NFAT5: variants seen among roughly 807,000 people sequenced by gnomAD.
The protein encoded by NFAT5 is nuclear factor of activated T-cells 5.
NFAT5 carries 31 observed loss-of-function variants against 166.5 expected under a neutral mutation model. The ratio of observed to expected loss-of-function variants is 0.19; its 90% CI spans 0.14 to 0.25. NFAT5 has a LOEUF of 0.25. Ranked by LOEUF, NFAT5 falls within the 10% of genes least tolerant of loss-of-function variation. The pLI, the probability that NFAT5 is intolerant of heterozygous loss-of-function variation, is 1.00. For missense variants in NFAT5, 1,449 were observed against 1,821.8 expected (o/e 0.80, Z 3.72); for synonymous variants, 612 against 639.7 (o/e 0.96, Z 0.65).
intron 2 of NFAT5, among the ~76,000 whole-genome samples, chr16:69,572,579 ATTCAT>A (rs2016506927): frequency 6.6e-6 from 1 of 152,172 alleles, no homozygotes; most frequent in African/African-American, 2.4e-5. Flanking sequence ...AATGAAAACT[ATTCAT>A]TTTGGCAAAT....
intron 7 of NFAT5, among the ~76,000 whole-genome samples, chr16:69,660,518 T>G (rs900232919): frequency 6.6e-6 from 1 of 152,246 alleles, no homozygotes; most frequent in Non-Finnish European, 1.5e-5. Flanking sequence ...GGTAAATTAC[T>G]GTGGTTCTAA....
chr16:69,576,860 C>T (rs2016788314), intron 2 of NFAT5, among the ~76,000 whole-genome samples: 1 of 152,182 alleles, frequency 6.6e-6, no homozygotes, highest in Non-Finnish European at 1.5e-5. Flanking sequence ...GAAGGCTAAG[C>T]AGAAGCCACC....
At chr16:69,642,816 C>CA (rs995425761) in intron 3 of NFAT5, among the ~76,000 whole-genome samples, 9 of 133,726 alleles carry the variant, frequency 6.7e-5, no homozygotes, top group East Asian at 4.1e-4. Context: ...GACTGTGTCT[C>CA]AAAAAAAAGA....
Position 69,677,239 on chromosome 16 carries a change from C to G in NFAT5, c.1594C>G (p.Gln532Glu), listed in dbSNP as rs2036865988. ...LIVKVPPYHD[Q>E]HITLPVSVGI... is the part of the protein sequence containing the mutation. ...TGTGAAGGTTCCTCCCTATCATGAC[C>G]AACATATAACTTTGCCTGTGTCAGT... Residue 532 changes from glutamine to glutamate, a missense_variant, in exon 10 of 15, where the codon CAA becomes GAA. Around this residue, in one of 7 missense-constraint regions of NFAT5, gnomAD observed 245 missense variants for 366.6 expected, o/e 0.67. Coordinates refer to ENST00000349945, the MANE Select transcript of NFAT5 (RefSeq NM_138713.4). 6.2e-7 allele frequency: 1 copy of G among 1,610,196 alleles called. No individual in the cohort carries two copies. The highest frequency in any genetic ancestry group is 1.3e-5 in the African/African-American group (1 of 74,826).
At chr16:69,658,834 T>A (rs572014981) in intron 6 of NFAT5, among the ~76,000 whole-genome samples, 2 of 152,010 alleles carry the variant, frequency 1.3e-5, no homozygotes, top group South Asian at 4.2e-4. Context: ...CTCAAAAAAA[T>A]AAAATAAAAA....
Position 69,631,493 on chromosome 16 carries a change from G to A in NFAT5, c.253+4965G>A, listed in dbSNP as rs148946019. Among the ~76,000 whole-genome samples the A allele has an allele frequency of 3.3e-5, 5 of 152,154 alleles. No homozygotes were observed. The East Asian group carries it at 7.7e-4, about 23-fold the overall frequency. ...CTATAGGTTTTATAATTCAGCCAGA[G>A]AATCTTAATAATGCATTAATAATTC... On this transcript the variant is annotated intron_variant, in intron 3 of 14. Coordinates refer to ENST00000349945, the MANE Select transcript of NFAT5 (RefSeq NM_138713.4).
At chr16:69,578,174 A>G (rs1326082911) in intron 2 of NFAT5, among the ~76,000 whole-genome samples, 1 of 152,118 alleles carries the variant, frequency 6.6e-6, no homozygotes, top group Non-Finnish European at 1.5e-5. Flanking sequence ...CAAATACAAA[A>G]CCATTTTATA....
intron 2 of NFAT5, among the ~76,000 whole-genome samples, chr16:69,569,102 C>T (rs1448109975): frequency 6.6e-6 from 1 of 152,028 alleles, no homozygotes; most frequent in Non-Finnish European, 1.5e-5. Flanking sequence ...TTAATAGAGT[C>T]TGTAGATTAG....
chr16:69,629,747 G>A (rs1488508739), intron 3 of NFAT5, among the ~76,000 whole-genome samples: 1 of 146,996 alleles, frequency 6.8e-6, no homozygotes, highest in Non-Finnish European at 1.5e-5. Context: ...GGAAATAAGT[G>A]CACACTACCA....
chr16:69,674,113 T>G (rs2036735139), intron 9 of NFAT5, among the ~76,000 whole-genome samples: 3 of 151,498 alleles, frequency 2.0e-5, no homozygotes, highest in African/African-American at 7.3e-5. Flanking sequence ...TGTGGTGGCA[T>G]ATGCCTGTAA....
intron 6 of NFAT5, among the ~76,000 whole-genome samples, chr16:69,657,954 G>A (rs959597407): frequency 1.3e-5 from 2 of 148,800 alleles, no homozygotes; most frequent in African/African-American, 2.5e-5. Context: ...GCGTGGTGGC[G>A]GGCGCCTGTA....
In NFAT5 at chr16:69,653,267, A is replaced by G; in HGVS notation, c.844A>G (p.Lys282Glu). ...TLENQKGTGV[K>E]KSPMLCGQYP... is the part of the protein sequence containing the mutation. ...GGAAAACCAAAAAGGAACTGGAGTA[A>G]AGAAGAGCCCTATGTTGTGTGGACA... Residue 282 changes from lysine to glutamate, a missense_variant, in exon 5 of 15, where the codon AAG becomes GAG. Coordinates refer to ENST00000349945, the MANE Select transcript of NFAT5 (RefSeq NM_138713.4). 1.3e-6 allele frequency: 2 copies of G among 1,594,936 alleles called. No homozygotes were observed. The highest frequency in any genetic ancestry group is 8.5e-7 in the Non-Finnish European group (1 of 1,174,652).
At chr16:69,578,139 T>C (rs1229231893) in intron 2 of NFAT5, among the ~76,000 whole-genome samples, 2 of 152,152 alleles carry the variant, frequency 1.3e-5, no homozygotes, top group Non-Finnish European at 2.9e-5. Context: ...TTAAAGTATA[T>C]AGGAGGATGT....
Position 69,691,084 on chromosome 16 carries a change from T to C in NFAT5, c.1919T>C (p.Phe640Ser). 1.3e-6 allele frequency: 2 copies of C among 1,595,716 alleles called. No homozygotes were observed. The highest frequency in any genetic ancestry group is 1.7e-6 in the Non-Finnish European group (2 of 1,172,758). Reference sequence around the variant, plus strand: ...GCAGAAAAAAGATCTTCCACTATTTTTAAGGTAAGCTGTATTGACTAGTGC... The same window carrying C: ...GCAGAAAAAAGATCTTCCACTATTTCTAAGGTAAGCTGTATTGACTAGTGC... Reference protein sequence around the residue: ...VTAEKRSSTIFKTTKSVGSTQ... With the variant: ...VTAEKRSSTISKTTKSVGSTQ... Residue 640 changes from phenylalanine to serine, a missense_variant, in exon 12 of 15, where the codon TTT becomes TCT. By Grantham distance (155) the Phe-to-Ser change is radical. Coordinates refer to ENST00000349945, the MANE Select transcript of NFAT5 (RefSeq NM_138713.4).
chr16:69,612,854 T>G (rs2033765516), intron 2 of NFAT5, among the ~76,000 whole-genome samples: 1 of 148,922 alleles, frequency 6.7e-6, no homozygotes, highest in African/African-American at 2.5e-5. Context: ...CAGGGCGAAA[T>G]CCTGTCTCAA....
At chr16:69,635,084 C>T (rs1051495801) in intron 3 of NFAT5, among the ~76,000 whole-genome samples, 1 of 143,342 alleles carries the variant, frequency 7.0e-6, no homozygotes, top group Non-Finnish European at 1.5e-5. Context: ...GATCTCAGCT[C>T]ACTGAAACCT....
chr16:69,620,973 C>G (rs1277421585), intron 2 of NFAT5, among the ~76,000 whole-genome samples: 2 of 152,192 alleles, frequency 1.3e-5, no homozygotes, highest in African/African-American at 2.4e-5. Context: ...TAGAAGTCAT[C>G]TATTTTATTA....
At chr16:69,687,027 C>T (rs548651244) in intron 11 of NFAT5, among the ~76,000 whole-genome samples, 1 of 152,214 alleles carries the variant, frequency 6.6e-6, no homozygotes, top group East Asian at 1.9e-4. Flanking sequence ...TTATAATGTA[C>T]TACTAAATTG....
intron 4 of NFAT5, among the ~76,000 whole-genome samples, chr16:69,648,003 C>G (rs933429604): frequency 2.0e-5 from 3 of 151,862 alleles, no homozygotes; most frequent in African/African-American, 7.3e-5. Context: ...GAAACCCCAT[C>G]TCTACTAAAA....
Sources: allele counts gnomAD v4.1 joint callset (sites outside exome capture counted in the v4.1 genomes callset), GRCh38; gene constraint gnomAD v4.1.1; regional missense constraint gnomAD v4.1.1; transcripts MANE v1.5; gene names NCBI Gene and HGNC (gene_info 2026-07-23, HGNC 2026-07-21).